Variants in EFCAB3 observed in about 807,000 individuals in gnomAD.
EFCAB3 encodes EF-hand calcium binding domain 3.
EFCAB3 carries 36 observed loss-of-function variants against 42.2 expected under a neutral mutation model. The observed-to-expected ratio is 0.85, with a 90% CI of 0.65 to 1.13. The LOEUF (loss-of-function observed/expected upper bound fraction) is 1.13. Ranked by LOEUF, EFCAB3 falls within the 50% of genes most tolerant of loss-of-function variation. The pLI is 0.00. For synonymous variants in EFCAB3, 170 were observed against 172.8 expected, an observed-to-expected ratio of 0.98 and a Z score of 0.13; for missense variants, 418 against 505.1, an observed-to-expected ratio of 0.83 and a Z score of 1.65.
At chr17:62,403,800 T>C (rs972573102) in intron 6 of EFCAB3, among the ~76,000 whole-genome samples, 1 of 152,098 alleles carries the variant, frequency 6.6e-6, no homozygotes. Flanking sequence ...AAGCCTGCAC[T>C]ACCATGCCTG....
In EFCAB3 at chr17:62,407,049, G is replaced by A. The variant is rs115062695; in HGVS notation, c.704G>A (p.Ser235Asn). The A allele has an allele frequency of 1.9e-6, 3 of 1,591,890 alleles. No homozygotes were observed. The highest frequency in any genetic ancestry group is 2.6e-6 in the Non-Finnish European group (3 of 1,173,556). The change falls in exon 8 of 10, where the codon AGC becomes AAC. Residue 235 changes from serine (S) to asparagine (N), a missense_variant. Transcript: ENST00000305286. ...TTAGGATGCAATTCCGGTTCAGATA[G>A]CCCATATTCAAAAATACCCATCTTT... Reference protein sequence around the residue: ...ELKRCNSGSDSPYSKIPIFPL... With the variant: ...ELKRCNSGSDNPYSKIPIFPL...
chr17:62,379,417 CAA>C (rs34114907), upstream of EFCAB3, among the ~76,000 whole-genome samples: 4,288 of 99,482 alleles, frequency 0.043, 182 homozygotes, highest in African/African-American at 0.13. Context: ...GAGACCTCAC[CAA>C]AAAAAAAAAA....
At chr17:62,409,282 C>G (rs1209936092) in intron 8 of EFCAB3, among the ~76,000 whole-genome samples, 1 of 152,178 alleles carries the variant, frequency 6.6e-6, no homozygotes, top group Admixed American at 6.5e-5. Context: ...GTCTCAAACT[C>G]GTGACCTCAG....
upstream of EFCAB3, chr17:62,378,128 C>A: frequency 1.2e-6 from 1 of 867,808 alleles, no homozygotes; most frequent in Non-Finnish European, 1.7e-6. Flanking sequence ...AGTTTCTATC[C>A]TCCATCTACT....
chr17:62,382,861 C>T (rs2144060235), intron 1 of EFCAB3, 102 bp from the exon 2 acceptor site: 1 of 957,504 alleles, frequency 1.0e-6, no homozygotes, highest in South Asian at 1.8e-5. Context: ...TTCTTGAGGC[C>T]CTAGACTTTT....
intron 6 of EFCAB3, among the ~76,000 whole-genome samples, chr17:62,403,185 C>G (rs2070419155): frequency 6.6e-6 from 1 of 152,208 alleles, no homozygotes; most frequent in Admixed American, 6.5e-5. Context: ...TTTGCCATCT[C>G]AGTGTATTTA....
Position 62,395,770 on chromosome 17 carries a change from G to A in EFCAB3, c.488+582G>A, listed in dbSNP as rs576451732. On this transcript the variant is annotated intron_variant, in intron 6 of 9. Coordinates refer to ENST00000305286, the MANE Select transcript of EFCAB3 (RefSeq NM_173503.4). ...TGCATTATTTATTCCAGCAAGTAGC[G>A]CTGAGAGTAAATCACCTCAATCTAT... 7.2e-5 allele frequency among the ~76,000 whole-genome samples: 11 copies of A among 152,144 alleles called. No homozygotes were observed. In the South Asian group the frequency reaches 1.7e-3, roughly 23 times the overall value.
intron 1 of EFCAB3, chr17:62,380,875 A>T (rs2144055252): frequency 1.3e-5 from 2 of 152,372 alleles, no homozygotes; most frequent in Non-Finnish European, 2.9e-5. Context: ...GGGAAAATGG[A>T]TCAAATTCTA....
chr17:62,376,339 G>A (rs1328779482), upstream of EFCAB3, among the ~76,000 whole-genome samples: 1 of 151,966 alleles, frequency 6.6e-6, no homozygotes, highest in East Asian at 1.9e-4. Flanking sequence ...AGGCTTGGTG[G>A]CACACTCCCA....
intron 6 of EFCAB3, among the ~76,000 whole-genome samples, chr17:62,399,823 TTA>T (rs2070385504): frequency 6.6e-6 from 1 of 152,168 alleles, no homozygotes; most frequent in Admixed American, 6.6e-5. Context: ...TCATCACCTT[TTA>T]ATATGCAATA....
In EFCAB3 at chr17:62,416,074, G is replaced by A. The variant is rs772156564; in HGVS notation, c.1062G>A (p.Trp354Ter). 1 of 1,613,970 alleles carries A rather than the reference G, an allele frequency of 6.2e-7. No individual in the cohort carries two copies. Among genetic ancestry groups the A allele is most frequent in the East Asian group, 2.2e-5 (1 of 44,880 alleles). ...LEHRKEMLNL[W>*]QKIRGDLIGM... ...ACCGAAAAGAGATGCTAAACCTCTG[G>A]CAGAAGATCCGAGGGGATTTGATTG... is the stretch of plus-strand genomic sequence containing the variant. Residue 354 changes from tryptophan (W) to a stop codon, truncating the protein, a stop_gained, in exon 10 of 10, where the codon TGG becomes TGA. Transcript: ENST00000305286. LOFTEE classifies it high-confidence loss of function.
chr17:62,389,826 TTA>T (rs1313722899), intron 3 of EFCAB3, among the ~76,000 whole-genome samples: 1 of 30,272 alleles, frequency 3.3e-5, no homozygotes, highest in African/African-American at 4.9e-5. Context: ...ATTTATTTAT[TTA>T]TTTTTTTCTG....
chr17:62,412,898 C>T (rs1217847973), intron 8 of EFCAB3, among the ~76,000 whole-genome samples: 1 of 151,892 alleles, frequency 6.6e-6, no homozygotes, highest in Admixed American at 6.6e-5. Flanking sequence ...CATTTCAACA[C>T]AACAGGAAAA....
intron 9 of EFCAB3, among the ~76,000 whole-genome samples, chr17:62,415,392 T>C (rs191806127): frequency 6.6e-6 from 1 of 152,242 alleles, no homozygotes. Flanking sequence ...TGATTTTCAC[T>C]GAGGAATAGG....
At chr17:62,375,787 CT>C (rs1408649051), upstream of EFCAB3, among the ~76,000 whole-genome samples, 7 of 152,206 alleles carry the variant, frequency 4.6e-5, no homozygotes, top group Non-Finnish European at 8.8e-5. Flanking sequence ...AGGCACAACA[CT>C]TCAGATATCT....
intron 8 of EFCAB3, among the ~76,000 whole-genome samples, chr17:62,411,173 G>A (rs2070491915): frequency 1.3e-5 from 2 of 152,008 alleles, no homozygotes; most frequent in Non-Finnish European, 2.9e-5. Flanking sequence ...TTTAAAGATA[G>A]GTTCACAAAA....
rs189007777 is a variant in EFCAB3 at position 62,415,881 on chromosome 17, T to G, written c.991-122T>G. 1.7e-4 allele frequency: 141 copies of G among 814,806 alleles called. 2 individuals are homozygous for G. In the Admixed American group the frequency reaches 3.9e-3, roughly 22 times the overall value. The allele number at this position is 814,806 out of a possible 1,614,324, so 50.5% of individuals were successfully genotyped here. A position where few individuals can be genotyped will look rare whatever the true frequency, so the allele number is the denominator to read the frequency against. On this transcript the variant is annotated intron_variant, in intron 9 of 9. Coordinates refer to ENST00000305286, the MANE Select transcript of EFCAB3 (RefSeq NM_173503.4). ...CACGTCCTCACGAGGCACCACCTAA[T>G]GTATAGATTCAGTGACTTTCGAGTA...
chr17:62,403,889 A>G (rs1297569943), intron 6 of EFCAB3, among the ~76,000 whole-genome samples: 1 of 152,132 alleles, frequency 6.6e-6, no homozygotes, highest in Non-Finnish European at 1.5e-5. Flanking sequence ...ACCTCAAGTG[A>G]TCCACCCCCA....
chr17:62,409,850 A>G (rs1003290796), intron 8 of EFCAB3, among the ~76,000 whole-genome samples: 2 of 152,110 alleles, frequency 1.3e-5, no homozygotes, highest in African/African-American at 4.8e-5. Context: ...ATATGTTTAT[A>G]GTTATATACA....
Sources: gnomAD v4.1 joint callset for allele counts (sites outside exome capture counted in the v4.1 genomes callset) on GRCh38, gnomAD v4.1.1 for gene constraint, MANE v1.5 for transcripts, NCBI Gene and HGNC (gene_info 2026-07-23, HGNC 2026-07-21) for gene names.